The following NSMCE2 variants were observed in gnomAD, a reference collection of about 807,000 sequenced individuals.
NSMCE2 encodes NSE2 SUMO ligase component of SMC5/6 complex.
NSMCE2 carries 24 observed loss-of-function variants against 23.8 expected under a neutral mutation model. The observed-to-expected ratio is 1.01, with a 90% CI of 0.73 to 1.42. NSMCE2 has a LOEUF of 1.42. NSMCE2 is among the 40% of genes most tolerant of loss of function. The pLI is 0.00. For missense variants in NSMCE2, 284 were observed against 296.5 expected (o/e 0.96, Z 0.31); for synonymous variants, 92 against 94.1 (o/e 0.98, Z 0.13).
intron 5 of NSMCE2, among the ~76,000 whole-genome samples, chr8:125,194,261 C>G (rs566518988): frequency 4.8e-4 from 73 of 152,268 alleles, no homozygotes; most frequent in African/African-American, 1.8e-3. Flanking sequence ...CTCCTCCCCC[C>G]ATTCCCAGCC....
intron 7 of NSMCE2, 117 bp downstream of exon 7, chr8:125,357,935 C>T (rs1813356251): frequency 7.2e-6 from 5 of 694,296 alleles, no homozygotes; most frequent in African/African-American, 1.8e-5. Flanking sequence ...GTTCACCTCC[C>T]GAATACTGTA....
chr8:125,217,834 AC>A (rs1824669480), intron 5 of NSMCE2, among the ~76,000 whole-genome samples: 1 of 151,262 alleles, frequency 6.6e-6, no homozygotes, highest in African/African-American at 2.4e-5. Context: ...TTGCTTGCTG[AC>A]CCAGCCTTTT....
intron 5 of NSMCE2, among the ~76,000 whole-genome samples, chr8:125,201,049 T>G (rs903000559): frequency 2.6e-5 from 4 of 152,100 alleles, no homozygotes; most frequent in Non-Finnish European, 5.9e-5. Context: ...CTATACTGTT[T>G]ATTCTAGTTA....
At chr8:125,365,285 C>A (rs887436223) in intron 7 of NSMCE2, among the ~76,000 whole-genome samples, 2 of 152,186 alleles carry the variant, frequency 1.3e-5, no homozygotes, top group African/African-American at 2.4e-5. Context: ...AAGCTCGCTT[C>A]TTCCCTTTCG....
chr8:125,230,293 A>G (rs1469698923), intron 5 of NSMCE2, among the ~76,000 whole-genome samples: 1 of 146,616 alleles, frequency 6.8e-6, no homozygotes, highest in East Asian at 2.0e-4. Context: ...CTCTTACTGA[A>G]CTAATACCCT....
intron 5 of NSMCE2, chr8:125,182,613 T>A: frequency 3.0e-6 from 1 of 331,918 alleles, no homozygotes; most frequent in Non-Finnish European, 5.4e-6. Flanking sequence ...TGCCATGCTT[T>A]AAAATAACCA....
chr8:125,206,817 A>T (rs1824135788), intron 5 of NSMCE2, among the ~76,000 whole-genome samples: 1 of 152,070 alleles, frequency 6.6e-6, no homozygotes. Context: ...GGCTAAAGAG[A>T]GGGGGAGAAA....
chr8:125,159,733 G>T (rs1331565482), intron 4 of NSMCE2, among the ~76,000 whole-genome samples: 1 of 152,148 alleles, frequency 6.6e-6, no homozygotes, highest in East Asian at 1.9e-4. Flanking sequence ...TGCTCAGTTG[G>T]TGGATCACTT....
intron 5 of NSMCE2, among the ~76,000 whole-genome samples, chr8:125,220,681 C>G (rs1824814761): frequency 6.6e-6 from 1 of 151,644 alleles, no homozygotes; most frequent in Admixed American, 6.6e-5. Context: ...CATAATGTAT[C>G]CTGTGTTGCT....
intron 7 of NSMCE2, among the ~76,000 whole-genome samples, chr8:125,360,178 A>G (rs556983809): frequency 6.6e-6 from 1 of 152,226 alleles, no homozygotes; most frequent in South Asian, 2.1e-4. Flanking sequence ...TTATTGGAGG[A>G]TTGTGATAGA....
intron 5 of NSMCE2, among the ~76,000 whole-genome samples, chr8:125,266,854 T>C (rs1343981686): frequency 6.6e-6 from 1 of 152,136 alleles, no homozygotes; most frequent in Non-Finnish European, 1.5e-5. Flanking sequence ...CCAGTGTCTG[T>C]TAAAGAGGAA....
At chr8:125,319,636 A>C (rs890758657) in intron 5 of NSMCE2, among the ~76,000 whole-genome samples, 8 of 152,288 alleles carry the variant, frequency 5.3e-5, no homozygotes, top group African/African-American at 1.9e-4. Flanking sequence ...ACTGGATGGG[A>C]TTAATGGCAG....
At chr8:125,216,746 C>T (rs1231455314) in intron 5 of NSMCE2, among the ~76,000 whole-genome samples, 1 of 152,070 alleles carries the variant, frequency 6.6e-6, no homozygotes, top group African/African-American at 2.4e-5. Context: ...CCATTCTTCA[C>T]TCTCTCACCT....
intron 5 of NSMCE2, among the ~76,000 whole-genome samples, chr8:125,188,362 A>G (rs1270082511): frequency 6.6e-6 from 1 of 152,164 alleles, no homozygotes; most frequent in Non-Finnish European, 1.5e-5. Context: ...TAGTATTACC[A>G]TAGCACAGGT....
intron 5 of NSMCE2, among the ~76,000 whole-genome samples, chr8:125,334,801 G>A (rs1247894896): frequency 6.8e-5 from 3 of 43,804 alleles, no homozygotes; most frequent in African/African-American, 2.8e-4. Flanking sequence ...TTTTTTTTTT[G>A]AGACACAGTC....
At chr8:125,149,168 T>C (rs1820849260) in intron 3 of NSMCE2, among the ~76,000 whole-genome samples, 2 of 152,184 alleles carry the variant, frequency 1.3e-5, no homozygotes, top group South Asian at 4.1e-4. Context: ...ATTTTTCTTA[T>C]GTAAACATTA....
intron 1 of NSMCE2, among the ~76,000 whole-genome samples, chr8:125,098,400 A>G (rs556786507): frequency 3.3e-5 from 5 of 152,278 alleles, no homozygotes; most frequent in African/African-American, 1.2e-4. Flanking sequence ...CTCTTTGGCC[A>G]TTACTCCCGG....
intron 1 of NSMCE2, among the ~76,000 whole-genome samples, chr8:125,099,916 A>G (rs1357907220): frequency 6.6e-6 from 1 of 152,076 alleles, no homozygotes; most frequent in African/African-American, 2.4e-5. Flanking sequence ...GCTGAAGGGA[A>G]TGATTCAGTA....
In NSMCE2 at chr8:125,095,728, C is replaced by G. The variant is rs1046659894; in HGVS notation, c.-111+3770C>G. 2.6e-5 allele frequency among the ~76,000 whole-genome samples: 4 copies of G among 151,948 alleles called. No individual in the cohort carries two copies. The South Asian group carries it at 8.3e-4, about 32-fold the overall frequency. ...TGGCAAACATAGTGAAACCCCGTCT[C>G]TACTAAAAATACAAAAATTAGCCTG... is the stretch of plus-strand genomic sequence containing the variant. On this transcript the variant is annotated intron_variant, in intron 1 of 7. Transcript: ENST00000287437.
Sources: gnomAD v4.1 joint callset for allele counts (sites outside exome capture counted in the v4.1 genomes callset) on GRCh38, gnomAD v4.1.1 for gene constraint, MANE v1.5 for transcripts, NCBI Gene and HGNC (gene_info 2026-07-23, HGNC 2026-07-21) for gene names.